Variants in TNIK observed in about 807,000 individuals in gnomAD.
The protein encoded by TNIK is TRAF2 and NCK-interacting protein kinase.
TNIK carries 49 observed loss-of-function variants against 191.3 expected under a neutral mutation model. That is an observed-to-expected ratio of 0.26 (90% CI 0.20 to 0.32). The LOEUF (loss-of-function observed/expected upper bound fraction) is 0.32, where lower values mean the gene tolerates loss of function less well. TNIK is among the 10% of genes least tolerant of loss of function. The pLI, the probability that TNIK is intolerant of heterozygous loss-of-function variation, is 1.00. For missense variants in TNIK, 1,155 were observed against 1,702.3 expected (o/e 0.68, Z 5.66); for synonymous variants, 594 against 600.9 (o/e 0.99, Z 0.17).
At chr3:171,101,182 A>T (rs1723490450) in intron 22 of TNIK, among the ~76,000 whole-genome samples, 1 of 152,148 alleles carries the variant, frequency 6.6e-6, no homozygotes, top group South Asian at 2.1e-4. Context: ...TGAAAAGAAC[A>T]AGAAAGAGTC....
intron 10 of TNIK, among the ~76,000 whole-genome samples, chr3:171,166,516 T>A (rs1249920423): frequency 6.6e-6 from 1 of 152,086 alleles, no homozygotes; most frequent in Non-Finnish European, 1.5e-5. Context: ...GTCACAAAGA[T>A]GTGCTTTTGC....
intron 15 of TNIK, among the ~76,000 whole-genome samples, chr3:171,137,311 G>T: frequency 6.6e-6 from 1 of 151,002 alleles, no homozygotes; most frequent in East Asian, 1.9e-4. Context: ...AAAAAAGCGT[G>T]AGCTATCAAT....
intron 2 of TNIK, among the ~76,000 whole-genome samples, chr3:171,358,607 C>T (rs917562351): frequency 1.3e-5 from 2 of 152,148 alleles, no homozygotes; most frequent in Non-Finnish European, 2.9e-5. Context: ...AGGATTCATA[C>T]AAAATGCTTG....
Position 171,129,465 on chromosome 3 carries a change from A to AG in TNIK, c.1609-588dup, listed in dbSNP as rs1351290993. Among the ~76,000 whole-genome samples the AG allele has an allele frequency of 3.3e-5, 5 of 152,206 alleles. No homozygotes were observed. In the East Asian group the frequency reaches 9.7e-4, roughly 29 times the overall value. On this transcript the variant is annotated intron_variant, in intron 15 of 32. Coordinates refer to ENST00000436636, the MANE Select transcript of TNIK (RefSeq NM_015028.4). ...TGTATCACTTTCTTTTTCTCTCTTT[A>AG]GGGGTCTTTCTTTCCAGTTGTCTTT... is the stretch of plus-strand genomic sequence containing the variant.
chr3:171,373,949 C>G (rs913257353), intron 1 of TNIK, among the ~76,000 whole-genome samples: 1 of 152,208 alleles, frequency 6.6e-6, no homozygotes, highest in Non-Finnish European at 1.5e-5. Context: ...GCTAGCCTCT[C>G]TTACATTTCT....
In TNIK at chr3:171,087,620, T is replaced by C; in HGVS notation, c.2722-114A>G. On this transcript the variant is annotated intron_variant, in intron 23 of 32. Transcript: ENST00000436636. ...GGCTCCAAATCAACCCACTAGGGCA[T>C]GAGAAGGTGATATTCACATTTCTAT... 2.7e-6 allele frequency: 3 copies of C among 1,099,872 alleles called. No individual in the cohort carries two copies. The South Asian group carries it at 4.8e-5, about 17-fold the overall frequency. 68.1% of individuals were successfully genotyped at this position (1,099,872 alleles called of 1,614,324 possible).
chr3:171,408,764 C>T (rs1200829494), intron 1 of TNIK, among the ~76,000 whole-genome samples: 1 of 152,310 alleles, frequency 6.6e-6, no homozygotes, highest in African/African-American at 2.4e-5. Context: ...TTCCCTCTGG[C>T]TGAACCCCAG....
At chr3:171,064,026 C>T (rs557723970) in intron 32 of TNIK, 62 bp from the exon 33 acceptor site, 25 of 1,508,516 alleles carry the variant, frequency 1.7e-5, no homozygotes, top group African/African-American at 6.9e-5. Context: ...TTTCTTCAAC[C>T]GTCCATCCAT....
intron 10 of TNIK, among the ~76,000 whole-genome samples, chr3:171,166,672 G>C (rs1036181088): frequency 6.6e-6 from 1 of 152,148 alleles, no homozygotes; most frequent in Non-Finnish European, 1.5e-5. Flanking sequence ...AATTAGAAAT[G>C]AGCCTCAGAG....
chr3:171,087,633 T>C, intron 23 of TNIK, 127 bp from the exon 24 acceptor site: 2 of 1,013,800 alleles, frequency 2.0e-6, no homozygotes, highest in Admixed American at 5.0e-5. Flanking sequence ...GAAGGTGATA[T>C]TCACATTTCT....
chr3:171,112,440 A>G (rs969124264), intron 18 of TNIK, among the ~76,000 whole-genome samples: 5 of 151,310 alleles, frequency 3.3e-5, no homozygotes, highest in African/African-American at 1.2e-4. Context: ...CTTCAAAGAA[A>G]GCTTTCTTAC....
chr3:171,282,140 T>C (rs181619427), intron 2 of TNIK, among the ~76,000 whole-genome samples: 20 of 152,294 alleles, frequency 1.3e-4, no homozygotes, highest in Non-Finnish European at 1.9e-4. Context: ...CTAGAATCAA[T>C]TGAAATATTT....
At chr3:171,272,567 T>G (rs747209950) in intron 2 of TNIK, among the ~76,000 whole-genome samples, 80 of 152,232 alleles carry the variant, frequency 5.3e-4, no homozygotes, top group Admixed American at 2.4e-3. Context: ...TGTACATTTT[T>G]AAATAACCTG....
At chr3:171,424,874 C>T (rs904308488) in intron 1 of TNIK, among the ~76,000 whole-genome samples, 1 of 150,988 alleles carries the variant, frequency 6.6e-6, no homozygotes, top group Non-Finnish European at 1.5e-5. Flanking sequence ...AGGAGATACA[C>T]CTAATGTTAA....
chr3:171,228,123 G>C, intron 3 of TNIK, 42 bp downstream of exon 3: 1 of 1,604,850 alleles, frequency 6.2e-7, no homozygotes, highest in Non-Finnish European at 8.5e-7. Flanking sequence ...AAGTCAAGGA[G>C]CATCTGCATG....
At chr3:171,188,663 T>A (rs368204690) in intron 7 of TNIK, 39 bp downstream of exon 7, 1 of 1,610,006 alleles carries the variant, frequency 6.2e-7, no homozygotes, top group East Asian at 2.2e-5. Flanking sequence ...CAGGATAAGA[T>A]GGTAGGCATA....
chr3:171,228,110 C>G (rs185590332), intron 3 of TNIK, 55 bp downstream of exon 3: 34 of 1,593,524 alleles, frequency 2.1e-5, no homozygotes, highest in Admixed American at 2.0e-4. Flanking sequence ...GTGAACTCAT[C>G]ATAAGTCAAG....
At chr3:171,189,795 C>T (rs1737810593) in intron 6 of TNIK, among the ~76,000 whole-genome samples, 1 of 152,030 alleles carries the variant, frequency 6.6e-6, no homozygotes, top group African/African-American at 2.4e-5. Flanking sequence ...CTCAGGATAG[C>T]TTATCTAGTT....
At chr3:171,301,585 G>A (rs1357851266) in intron 2 of TNIK, among the ~76,000 whole-genome samples, 1 of 152,216 alleles carries the variant, frequency 6.6e-6, no homozygotes, top group Non-Finnish European at 1.5e-5. Context: ...AAAGTGCTGG[G>A]ATTACAGGCG....
Sources: gnomAD v4.1 joint callset for allele counts (sites outside exome capture counted in the v4.1 genomes callset) on GRCh38, gnomAD v4.1.1 for gene constraint, MANE v1.5 for transcripts, NCBI Gene and HGNC (gene_info 2026-07-23, HGNC 2026-07-21) for gene names.